FRMD4A: variants seen among roughly 807,000 people sequenced by gnomAD.
The protein encoded by FRMD4A is FERM domain-containing protein 4A.
Under a neutral mutation model 129.1 loss-of-function variants are expected in FRMD4A, and 29 were observed. The observed-to-expected ratio is 0.22, with a 90% CI of 0.17 to 0.31. FRMD4A has a LOEUF of 0.31. Among genes scored for constraint, FRMD4A ranks in the 10% least tolerant of loss-of-function variants. The probability of loss-of-function intolerance (pLI) is 1.00; values close to 1 mark genes in which losing one functional copy is unlikely to be tolerated. For synonymous variants in FRMD4A, 634 were observed against 571.6 expected, an observed-to-expected ratio of 1.11 and a Z score of -1.56; for missense variants, 1,272 against 1,375.8, an observed-to-expected ratio of 0.92 and a Z score of 1.19.
intron 3 of FRMD4A, among the ~76,000 whole-genome samples, chr10:13,847,018 A>C (rs1199779661): frequency 6.6e-6 from 1 of 152,220 alleles, no homozygotes; most frequent in Non-Finnish European, 1.5e-5. Context: ...TTCCCTTACC[A>C]GTGAAAAAAC....
At chr10:13,832,445 G>A (rs150843590) in intron 3 of FRMD4A, among the ~76,000 whole-genome samples, 7 of 152,304 alleles carry the variant, frequency 4.6e-5, no homozygotes, top group African/African-American at 1.4e-4. Flanking sequence ...TCAGCCTTGC[G>A]AGCACATTAG....
Position 13,643,731 on chromosome 10 carries a change from T to C in FRMD4A, c.*3307A>G, listed in dbSNP as rs1426221504. ...TCTTTTCATTTTGAAAATGCTTTAA[T>C]AAGTGTTGACAACACTGTTTTGCAA... On this transcript the variant is annotated 3_prime_UTR_variant, in exon 25 of 25. Transcript: ENST00000357447. 2 of 152,684 alleles carry C rather than the reference T, an allele frequency of 1.3e-5. No individual in the cohort carries two copies. Among genetic ancestry groups the C allele is most frequent in the African/African-American group, 4.8e-5 (2 of 41,468 alleles). 9.5% of individuals were successfully genotyped at this position (152,684 alleles called of 1,614,324 possible). A position where few individuals can be genotyped will look rare whatever the true frequency, so the allele number is the denominator to read the frequency against.
intron 12 of FRMD4A, among the ~76,000 whole-genome samples, chr10:13,721,279 T>TTA (rs1469574927): frequency 6.6e-6 from 1 of 152,148 alleles, no homozygotes; most frequent in Non-Finnish European, 1.5e-5. Context: ...GTCAGGAGTT[T>TTA]GAGACTACCC....
At chr10:14,010,570 C>T (rs776902949) in intron 2 of FRMD4A, among the ~76,000 whole-genome samples, 2 of 144,394 alleles carry the variant, frequency 1.4e-5, no homozygotes, top group Admixed American at 7.0e-5. Flanking sequence ...GATTTCAAGG[C>T]TCTCAAAGGT....
intron 2 of FRMD4A, among the ~76,000 whole-genome samples, chr10:14,026,302 T>C (rs1347382111): frequency 1.3e-5 from 2 of 152,334 alleles, no homozygotes; most frequent in Middle Eastern, 3.4e-3. Flanking sequence ...ACAGACTTAA[T>C]TCAACATTTC....
intron 2 of FRMD4A, among the ~76,000 whole-genome samples, chr10:14,105,793 G>A (rs1156533732): frequency 6.6e-6 from 1 of 151,992 alleles, no homozygotes; most frequent in African/African-American, 2.4e-5. Context: ...TGAACACACT[G>A]GGTCATTTGC....
chr10:14,008,161 G>GCTGTGTGTGTGT (rs2095668846), intron 2 of FRMD4A: 2 of 814,154 alleles, frequency 2.5e-6, no homozygotes, highest in African/African-American at 8.2e-5. Context: ...ATGGTGTACA[G>GCTGTGTGTGTGT]CTGTGTGTGT....
intron 2 of FRMD4A, among the ~76,000 whole-genome samples, chr10:14,146,711 G>A (rs1331107198): frequency 2.6e-5 from 4 of 152,090 alleles, no homozygotes; most frequent in Non-Finnish European, 4.4e-5. Flanking sequence ...CTCAGCTCTT[G>A]CTCCACCTGT....
chr10:14,027,940 A>C (rs1833058581), intron 2 of FRMD4A, among the ~76,000 whole-genome samples: 1 of 152,234 alleles, frequency 6.6e-6, no homozygotes, highest in Non-Finnish European at 1.5e-5. Context: ...GATATGAGCC[A>C]CTTGGAGTAA....
At chr10:14,123,989 A>G (rs1412122766) in intron 2 of FRMD4A, among the ~76,000 whole-genome samples, 6 of 152,290 alleles carry the variant, frequency 3.9e-5, no homozygotes, top group African/African-American at 1.4e-4. Context: ...AGGATTCCGT[A>G]AAATGCCACA....
At chr10:14,053,469 C>T (rs1834360513) in intron 2 of FRMD4A, among the ~76,000 whole-genome samples, 1 of 152,164 alleles carries the variant, frequency 6.6e-6, no homozygotes, top group South Asian at 2.1e-4. Context: ...TGATCTACCC[C>T]CAGTGGAAGC....
chr10:13,701,866 G>C (rs191250249), intron 13 of FRMD4A, among the ~76,000 whole-genome samples: 2 of 152,218 alleles, frequency 1.3e-5, no homozygotes, highest in East Asian at 1.9e-4. Context: ...ATGTGCCTAC[G>C]GTGGGGATGA....
Position 13,666,292 on chromosome 10 carries a change from C to A in FRMD4A, c.1408G>T (p.Ala470Ser). 6.2e-7 allele frequency: 1 copy of A among 1,614,018 alleles called. No individual in the cohort carries two copies. ...GCCTCCGTAATCTGGGACTGAATGG[C>A]AAACTCTCGTTCCAGGCGTTCCAGC... is the stretch of plus-strand genomic sequence containing the variant. ...AELERLEREF[A>S]IQSQITEAAR... Residue 470 changes from alanine to serine, a missense_variant, in exon 18 of 25, where the codon GCC becomes TCC. Coordinates refer to ENST00000357447, the MANE Select transcript of FRMD4A (RefSeq NM_018027.5).
chr10:13,895,095 T>G (rs1416697529), intron 2 of FRMD4A, among the ~76,000 whole-genome samples: 1 of 152,190 alleles, frequency 6.6e-6, no homozygotes, highest in Non-Finnish European at 1.5e-5. Context: ...TTTAAAAAAG[T>G]TGTATTTAAG....
At chr10:13,972,043 G>A (rs553647403) in intron 2 of FRMD4A, 1 of 1,156,172 alleles carries the variant, frequency 8.6e-7, no homozygotes, top group Admixed American at 3.7e-5. Context: ...CTCCCAAAGT[G>A]TTTTCTCCTT....
At chr10:13,950,694 T>C (rs1035510630) in intron 2 of FRMD4A, among the ~76,000 whole-genome samples, 1 of 152,184 alleles carries the variant, frequency 6.6e-6, no homozygotes, top group African/African-American at 2.4e-5. Context: ...ATGTGCCACA[T>C]TCGTTTCTGC....
chr10:14,277,038 T>A (rs1218359), intron 2 of FRMD4A, among the ~76,000 whole-genome samples: 14,593 of 152,074 alleles, frequency 0.096, 1,708 homozygotes, highest in African/African-American at 0.28. Context: ...CTAATTTTTG[T>A]ATATTTTGTA....
rs191316322 is a variant in FRMD4A at position 13,690,697 on chromosome 10, G to C, written c.1117+3201C>G. ...TGCTCAGCTGTGCAGCTGCAGAAAG[G>C]GCTGAGGGCACTGAAGCTGACAATG... On this transcript the variant is annotated intron_variant, in intron 15 of 24. Transcript: ENST00000357447. Among the ~76,000 whole-genome samples the C allele has an allele frequency of 4.1e-3, 626 of 152,292 alleles. 2 individuals are homozygous for C. Among genetic ancestry groups the C allele is most frequent in the African/African-American group, 0.014 (593 of 41,576 alleles).
At chr10:13,993,042 C>T (rs10906562) in intron 2 of FRMD4A, among the ~76,000 whole-genome samples, 2 of 150,554 alleles carry the variant, frequency 1.3e-5, no homozygotes, top group Non-Finnish European at 3.0e-5. Flanking sequence ...GCTTCTCTTG[C>T]GTGTCCTATG....
Sources: gnomAD v4.1 joint callset for allele counts (sites outside exome capture counted in the v4.1 genomes callset) on GRCh38, gnomAD v4.1.1 for gene constraint, MANE v1.5 for transcripts, NCBI Gene and HGNC (gene_info 2026-07-23, HGNC 2026-07-21) for gene names.